UNC5D: variants seen among roughly 807,000 people sequenced by gnomAD.
UNC5D encodes the protein netrin receptor UNC5D.
In UNC5D, 39 loss-of-function variants were observed where a neutral mutation model predicts 105.4. The ratio of observed to expected loss-of-function variants is 0.37; its 90% CI spans 0.29 to 0.48. The LOEUF (loss-of-function observed/expected upper bound fraction) is 0.48, where lower values mean the gene tolerates loss of function less well. UNC5D is among the 20% of genes least tolerant of loss of function. The pLI is 0.98. For missense variants in UNC5D, 991 were observed against 1,202.4 expected (o/e 0.82, Z 2.60); for synonymous variants, 452 against 450.4 (o/e 1.00, Z -0.04).
chr8:35,513,253 G>A (rs1324694065), intron 1 of UNC5D, among the ~76,000 whole-genome samples: 1 of 140,190 alleles, frequency 7.1e-6, no homozygotes, highest in African/African-American at 2.8e-5. Flanking sequence ...CCCTGAGACA[G>A]AGTCTTGCTC....
rs374283866 is a variant in UNC5D at position 35,623,753 on chromosome 8, C to A, written c.570+28096C>A. The stretch of plus-strand genomic sequence containing the variant: ...AAGCAGGCATTTAACAACATGCCAT[C>A]TGATTTACACATTTTTAAATAAATT... On this transcript the variant is annotated intron_variant, in intron 4 of 16. Coordinates refer to ENST00000404895, the MANE Select transcript of UNC5D (RefSeq NM_080872.4). Among the ~76,000 whole-genome samples the A allele has an allele frequency of 5.1e-4, 78 of 152,304 alleles. 1 individual carries two copies. Among genetic ancestry groups the A allele is most frequent in the African/African-American group, 1.8e-3 (73 of 41,570 alleles).
intron 1 of UNC5D, among the ~76,000 whole-genome samples, chr8:35,308,768 T>A (rs970886925): frequency 1.3e-5 from 2 of 152,198 alleles, no homozygotes; most frequent in Admixed American, 6.6e-5. Flanking sequence ...TTTAAGCACC[T>A]GTAAGCCTTT....
At chr8:35,618,291 T>C (rs1269589135) in intron 4 of UNC5D, among the ~76,000 whole-genome samples, 1 of 152,180 alleles carries the variant, frequency 6.6e-6, no homozygotes, top group Non-Finnish European at 1.5e-5. Context: ...CGGGATATTT[T>C]TAGAAGGATT....
At chr8:35,725,198 A>T (rs994169149) in intron 9 of UNC5D, among the ~76,000 whole-genome samples, 10 of 152,276 alleles carry the variant, frequency 6.6e-5, no homozygotes, top group Admixed American at 5.9e-4. Context: ...CCCAAAGGAA[A>T]ATTGTTTAAT....
intron 4 of UNC5D, among the ~76,000 whole-genome samples, chr8:35,681,647 G>A (rs1169310305): frequency 2.0e-5 from 3 of 152,198 alleles, no homozygotes; most frequent in Non-Finnish European, 4.4e-5. Context: ...GTGCCATCAG[G>A]AACCCTGGGA....
At chr8:35,710,977 C>T (rs1477917913) in intron 8 of UNC5D, among the ~76,000 whole-genome samples, 5 of 126,856 alleles carry the variant, frequency 3.9e-5, no homozygotes, top group East Asian at 4.5e-4. Context: ...CTCGCTCTGT[C>T]GCCCAGGCTG....
At chr8:35,760,349 C>T (rs1286221524) in intron 14 of UNC5D, among the ~76,000 whole-genome samples, 2 of 151,822 alleles carry the variant, frequency 1.3e-5, no homozygotes, top group African/African-American at 2.4e-5. Context: ...AGCCAGAACA[C>T]GCCTTTCTTA....
intron 3 of UNC5D, among the ~76,000 whole-genome samples, chr8:35,568,890 G>T (rs1347176860): frequency 6.6e-6 from 1 of 152,110 alleles, no homozygotes; most frequent in Non-Finnish European, 1.5e-5. Context: ...GCACTTATGG[G>T]AAAAGTTGAG....
chr8:35,627,158 G>A (rs1821740429), intron 4 of UNC5D, among the ~76,000 whole-genome samples: 1 of 152,194 alleles, frequency 6.6e-6, no homozygotes, highest in Non-Finnish European at 1.5e-5. Context: ...ACAGGGACAA[G>A]TAGGAAAAAG....
intron 4 of UNC5D, among the ~76,000 whole-genome samples, chr8:35,645,588 C>T (rs560782444): frequency 2.0e-5 from 3 of 151,646 alleles, no homozygotes; most frequent in African/African-American, 7.3e-5. Context: ...TCCAACCCTT[C>T]TTCCCAGCTT....
intron 1 of UNC5D, among the ~76,000 whole-genome samples, chr8:35,280,932 C>A (rs1334314853): frequency 6.6e-6 from 1 of 152,146 alleles, no homozygotes; most frequent in Non-Finnish European, 1.5e-5. Flanking sequence ...AAATAGAGTT[C>A]TAAAATGATA....
At chr8:35,392,332 C>T (rs541286030) in intron 1 of UNC5D, among the ~76,000 whole-genome samples, 28 of 152,270 alleles carry the variant, frequency 1.8e-4, no homozygotes, top group Non-Finnish European at 3.2e-4. Flanking sequence ...CCACCTCGGC[C>T]TCTCCAGTGG....
At chr8:35,504,967 G>A (rs1812212701) in intron 1 of UNC5D, among the ~76,000 whole-genome samples, 1 of 152,048 alleles carries the variant, frequency 6.6e-6, no homozygotes, top group Non-Finnish European at 1.5e-5. Flanking sequence ...TTCAAGACGA[G>A]GTAAAGTATT....
At chr8:35,731,159 G>A in intron 11 of UNC5D, 63 bp downstream of exon 11, 1 of 1,507,070 alleles carries the variant, frequency 6.6e-7, no homozygotes, top group African/African-American at 1.4e-5. Context: ...AGTACTTTGG[G>A]AGGCTGAGGC....
chr8:35,747,779 T>C (rs1175804092), intron 11 of UNC5D, among the ~76,000 whole-genome samples: 1 of 152,212 alleles, frequency 6.6e-6, no homozygotes, highest in Non-Finnish European at 1.5e-5. Flanking sequence ...TTAGTTAACT[T>C]TCACTTTCTT....
At chr8:35,699,723 TG>T (rs1346086773) in intron 7 of UNC5D, among the ~76,000 whole-genome samples, 2 of 152,166 alleles carry the variant, frequency 1.3e-5, no homozygotes, top group African/African-American at 2.4e-5. Flanking sequence ...GCTGGGAAGC[TG>T]GGGGGAGTAG....
At chr8:35,548,852 C>A (rs971730131) in intron 1 of UNC5D, among the ~76,000 whole-genome samples, 1 of 152,146 alleles carries the variant, frequency 6.6e-6, no homozygotes, top group Non-Finnish European at 1.5e-5. Flanking sequence ...GCTGAGTATC[C>A]TCTGTTATCA....
At chr8:35,301,891 A>T (rs1009590446) in intron 1 of UNC5D, among the ~76,000 whole-genome samples, 2 of 152,202 alleles carry the variant, frequency 1.3e-5, no homozygotes, top group African/African-American at 4.8e-5. Flanking sequence ...TAAATAATAC[A>T]GTAATTATTG....
chr8:35,655,311 C>T (rs1823658941), intron 4 of UNC5D, among the ~76,000 whole-genome samples: 1 of 152,128 alleles, frequency 6.6e-6, no homozygotes, highest in African/African-American at 2.4e-5. Context: ...TAAAAGTCTC[C>T]TAGCTATATA....
Sources: gnomAD v4.1 joint callset for allele counts (sites outside exome capture counted in the v4.1 genomes callset) on GRCh38, gnomAD v4.1.1 for gene constraint, MANE v1.5 for transcripts, NCBI Gene and HGNC (gene_info 2026-07-23, HGNC 2026-07-21) for gene names.